Variants in CDH23 observed in about 807,000 individuals in gnomAD.
CDH23 encodes cadherin-23.
A neutral mutation model predicts 317.1 loss-of-function variants in CDH23; 189 were observed. The observed-to-expected ratio is 0.60, with a 90% CI of 0.53 to 0.67. CDH23 has a LOEUF of 0.67. Among genes scored for constraint, CDH23 ranks in the 30% least tolerant of loss-of-function variants. The pLI, the probability that CDH23 is intolerant of heterozygous loss-of-function variation, is 0.00. For missense variants in CDH23, 4,401 were observed against 4,592.4 expected (o/e 0.96, Z 1.20); for synonymous variants, 1,839 against 1,876.8 (o/e 0.98, Z 0.52).
intron 38 of CDH23, chr10:71,742,177 T>C: frequency 1.8e-6 from 1 of 541,742 alleles, no homozygotes; most frequent in Non-Finnish European, 3.3e-6. Context: ...TCCTCTTTTC[T>C]CTCACAGAGC....
chr10:71,777,639 C>G, intron 38 of CDH23, 41 bp from the exon 39 acceptor site: 2 of 1,559,380 alleles, frequency 1.3e-6, no homozygotes, highest in Non-Finnish European at 1.7e-6. Flanking sequence ...CTTGGTCCCT[C>G]TGGCCACCTG....
At chr10:71,614,790 C>T (rs997066542) in intron 9 of CDH23, among the ~76,000 whole-genome samples, 1 of 152,086 alleles carries the variant, frequency 6.6e-6, no homozygotes, top group African/African-American at 2.4e-5. Context: ...TCTGGAGAAA[C>T]CCAAGGACGC....
chr10:71,807,538 C>T lies in CDH23; in HGVS notation c.8331C>T (p.Phe2777=). ...CAGCCGGCAACGAAGAGAAGAACTT[C>T]CATCTGCAGCCCGATGGGTGTCTGC... is the stretch of plus-strand genomic sequence containing the variant. The part of the protein sequence containing the change: ...FIAAGNEEKN[F]HLQPDGCLLV... The change falls in exon 59 of 70, where the codon TTC becomes TTT. Residue 2777 remains phenylalanine, a synonymous_variant. Transcript: ENST00000224721. 6.2e-7 allele frequency: 1 copy of T among 1,613,950 alleles called. No homozygotes were observed.
At chr10:71,679,309 A>ACCC in intron 16 of CDH23, 78 bp from the exon 17 acceptor site, 2 of 602,458 alleles carry the variant, frequency 3.3e-6, no homozygotes, top group Non-Finnish European at 6.3e-6. Flanking sequence ...AGTCTTCCCC[A>ACCC]CCCTCCCAGC....
At chr10:71,732,778 C>A in intron 32 of CDH23, 1 of 953,640 alleles carries the variant, frequency 1.0e-6, no homozygotes, top group Non-Finnish European at 1.3e-6. Flanking sequence ...ACAGATCCTT[C>A]ACCTCTGGTC....
At chr10:71,741,629 G>A in intron 37 of CDH23, 65 bp from the exon 38 acceptor site, 1 of 1,407,258 alleles carries the variant, frequency 7.1e-7, no homozygotes, top group East Asian at 2.5e-5. Flanking sequence ...GGCTACAGGA[G>A]CAGGTGCCAG....
At chr10:71,634,540 C>A (rs1862170683) in intron 11 of CDH23, among the ~76,000 whole-genome samples, 1 of 152,176 alleles carries the variant, frequency 6.6e-6, no homozygotes, top group Non-Finnish European at 1.5e-5. Flanking sequence ...GGGAGGCTTG[C>A]CTGGGGTTGC....
chr10:71,625,274 C>G (rs1247569190), intron 11 of CDH23, among the ~76,000 whole-genome samples: 1 of 151,088 alleles, frequency 6.6e-6, no homozygotes, highest in Admixed American at 6.6e-5. Context: ...GGGGACACAT[C>G]TGGCAGGAAC....
intron 3 of CDH23, among the ~76,000 whole-genome samples, chr10:71,483,108 C>T (rs1011715346): frequency 3.3e-5 from 5 of 152,246 alleles, no homozygotes; most frequent in African/African-American, 1.2e-4. Context: ...TAAATCACAA[C>T]TCAGCTGGGG....
At chr10:71,568,393 G>A (rs1433397538) in intron 7 of CDH23, among the ~76,000 whole-genome samples, 4 of 152,204 alleles carry the variant, frequency 2.6e-5, no homozygotes, top group African/African-American at 4.8e-5. Context: ...ATGCTTGCCC[G>A]CTGTGGGATA....
chr10:71,734,506 A>C, intron 33 of CDH23, 150 bp from the exon 34 acceptor site: 1 of 1,575,820 alleles, frequency 6.3e-7, no homozygotes. Flanking sequence ...CCTTCCCAGC[A>C]GGTTGGGCTA....
At chr10:71,798,200 G>T (rs1425777654) in intron 49 of CDH23, among the ~76,000 whole-genome samples, 154 bp from the exon 50 acceptor site, 1 of 151,890 alleles carries the variant, frequency 6.6e-6, no homozygotes, top group Non-Finnish European at 1.5e-5. Flanking sequence ...AAAGCCTCCT[G>T]TGCTGCAGCC....
rs548116335 is a variant in CDH23 at position 71,750,833 on chromosome 10, A to T, written c.4845+8912A>T. 71 of 162,644 alleles carry T rather than the reference A, an allele frequency of 4.4e-4. No individual in the cohort carries two copies. In the Middle Eastern group the frequency reaches 0.021, roughly 47 times the overall value. 10.1% of individuals were successfully genotyped at this position (162,644 alleles called of 1,614,324 possible). On this transcript the variant is annotated intron_variant, in intron 38 of 69. Transcript: ENST00000224721. ...GGGAGCCAAGGCGGCCACGGGGGAG[A>T]AGTCTCTCCACCGTGCCCTGTGTCT...
chr10:71,814,358 T>C (rs1452258565), intron 69 of CDH23, among the ~76,000 whole-genome samples: 2 of 152,244 alleles, frequency 1.3e-5, no homozygotes, highest in Admixed American at 1.3e-4. Context: ...GAGGCTGCAC[T>C]GAGCTTTGAT....
rs1865737014 is a variant in CDH23, at chr10:71,705,120, C to T, written c.2943C>T (p.Leu981=). ...CCACCAAGAGCTCCACCAGCACGCTCACCATCCATGGTGAGGGGGCGCAGG... is the reference window on the plus strand; with the variant it reads ...CCACCAAGAGCTCCACCAGCACGCTTACCATCCATGGTGAGGGGGCGCAGG... ...GTPTKSSTST[L]TIHVLDVNDE... The change falls in exon 25 of 70, where the codon CTC becomes CTT. Residue 981 remains leucine (L), a synonymous_variant. Transcript: ENST00000224721. 6.2e-7 allele frequency: 1 copy of T among 1,610,056 alleles called. No individual in the cohort carries two copies. Among genetic ancestry groups the T allele is most frequent in the Non-Finnish European group, 8.5e-7 (1 of 1,178,404 alleles).
At chr10:71,562,717 C>G (rs1450566432) in intron 6 of CDH23, among the ~76,000 whole-genome samples, 1 of 152,234 alleles carries the variant, frequency 6.6e-6, no homozygotes, top group Non-Finnish European at 1.5e-5. Flanking sequence ...GAGACAAAGT[C>G]AGCGGGGCCT....
Position 71,751,927 on chromosome 10 carries a change from C to T in CDH23, c.4845+10006C>T. 1.0e-5 allele frequency: 15 copies of T among 1,464,230 alleles called. No individual in the cohort carries two copies. The highest frequency in any genetic ancestry group is 1.3e-5 in the Non-Finnish European group (14 of 1,077,838). The allele number at this position is 1,464,230 out of a possible 1,614,324, so 90.7% of individuals were successfully genotyped here. On this transcript the variant is annotated intron_variant, in intron 38 of 69. Transcript: ENST00000224721. The surrounding 1 kb of genome is among the most constrained non-coding windows in gnomAD (Gnocchi z 4.9). Reference sequence around the variant, plus strand: ...GAGCGTGAACTCTGCCCTCCCTGCCCCCAGTTTTTCTCTCCTCCCTTTCTC... The same window carrying T: ...GAGCGTGAACTCTGCCCTCCCTGCCTCCAGTTTTTCTCTCCTCCCTTTCTC...
intron 9 of CDH23, among the ~76,000 whole-genome samples, chr10:71,597,458 C>T (rs187076772): frequency 1.9e-4 from 29 of 152,296 alleles, no homozygotes; most frequent in Admixed American, 5.9e-4. Context: ...TTCTCCCTCC[C>T]CACTCCCCAC....
chr10:71,769,435 A>C (rs989846499), intron 38 of CDH23, among the ~76,000 whole-genome samples: 1 of 152,254 alleles, frequency 6.6e-6, no homozygotes, highest in African/African-American at 2.4e-5. Context: ...AGCGATAAAA[A>C]GTTTCCTTTT....
Sources: allele counts gnomAD v4.1 joint callset (sites outside exome capture counted in the v4.1 genomes callset), GRCh38; gene constraint gnomAD v4.1.1; non-coding constraint Gnocchi (gnomAD v3.1); transcripts MANE v1.5; gene names NCBI Gene and HGNC (gene_info 2026-07-23, HGNC 2026-07-21).